Variants in TCF4 observed in about 807,000 individuals in gnomAD.
TCF4 encodes transcription factor 4, also known as SL3-3 enhancer factor 2.
A neutral mutation model predicts 82.1 loss-of-function variants in TCF4; 3 were observed. The observed-to-expected ratio is 0.04, with a 90% CI of 0.02 to 0.09. The LOEUF is 0.09. Among genes scored for constraint, TCF4 ranks in the 10% least tolerant of loss-of-function variants. The pLI is 1.00. For missense variants in TCF4, 518 were observed against 852.7 expected (o/e 0.61, Z 4.89); for synonymous variants, 276 against 309.6 (o/e 0.89, Z 1.14).
At chr18:55,461,143 T>C (rs1305010594) in intron 4 of TCF4, 28 bp from the exon 5 acceptor site, 1 of 1,554,856 alleles carries the variant, frequency 6.4e-7, no homozygotes, top group Admixed American at 1.7e-5. Context: ...GTGTAAGTTA[T>C]TATTTTATAT....
intron 6 of TCF4, among the ~76,000 whole-genome samples, chr18:55,399,199 A>T (rs770240550): frequency 2.6e-5 from 4 of 152,256 alleles, no homozygotes; most frequent in Non-Finnish European, 4.4e-5. Context: ...AAGTAAAAAT[A>T]ACAAGACAAA....
chr18:55,398,513 T>C (rs79733486), intron 6 of TCF4, among the ~76,000 whole-genome samples: 4,458 of 152,238 alleles, frequency 0.029, 245 homozygotes, highest in African/African-American at 0.1. Context: ...AATGAGACGA[T>C]TCAACCCCCC....
intron 6 of TCF4, among the ~76,000 whole-genome samples, chr18:55,403,140 T>C (rs2093918812): frequency 1.3e-5 from 2 of 152,182 alleles, no homozygotes; most frequent in South Asian, 4.1e-4. Flanking sequence ...AAGTTCTTAA[T>C]TGCAAATAAA....
chr18:55,501,572 C>T (rs114402326), intron 3 of TCF4, among the ~76,000 whole-genome samples: 74 of 152,062 alleles, frequency 4.9e-4, no homozygotes, highest in African/African-American at 1.7e-3. Context: ...GCAACTAACA[C>T]GGCTGAAAAG....
intron 3 of TCF4, among the ~76,000 whole-genome samples, chr18:55,564,664 T>C (rs1432081917): frequency 6.6e-6 from 1 of 152,098 alleles, no homozygotes; most frequent in East Asian, 1.9e-4. Flanking sequence ...AAATCAAATA[T>C]AACATACAGA....
intron 8 of TCF4, among the ~76,000 whole-genome samples, chr18:55,311,307 C>T (rs2072346520): frequency 6.6e-6 from 1 of 152,164 alleles, no homozygotes; most frequent in African/African-American, 2.4e-5. Flanking sequence ...TATCACTTTG[C>T]AAGCAGGACT....
chr18:55,356,892 T>C (rs1348140581), intron 6 of TCF4, among the ~76,000 whole-genome samples: 1 of 152,200 alleles, frequency 6.6e-6, no homozygotes, highest in Non-Finnish European at 1.5e-5. Flanking sequence ...TTTATTTTAG[T>C]AGTGATTGTA....
chr18:55,326,401 CAAAAAAAAAAAAA>C (rs59228811), intron 8 of TCF4, among the ~76,000 whole-genome samples: 14 of 26,378 alleles, frequency 5.3e-4, no homozygotes, highest in Admixed American at 2.4e-3. Context: ...AGAGCAGCAG[CAAAAAAAAAAAAA>C]AAAAAAAAAA....
intron 6 of TCF4, among the ~76,000 whole-genome samples, chr18:55,392,547 G>A (rs1056873883): frequency 7.3e-5 from 11 of 150,024 alleles, no homozygotes; most frequent in East Asian, 2.0e-4. Flanking sequence ...ATATTTATCC[G>A]TGACTTGATC....
At chr18:55,441,381 G>A (rs1179494834) in intron 5 of TCF4, among the ~76,000 whole-genome samples, 4 of 152,124 alleles carry the variant, frequency 2.6e-5, no homozygotes, top group Admixed American at 2.6e-4. Flanking sequence ...AATAGTTTAA[G>A]CTATATTCAG....
rs11662842 is a variant in TCF4, at chr18:55,257,086, C to G, written c.1146+229G>C. Reference sequence around the variant, plus strand: ...CATTGCCCTTCCAGGATTTTATCTGCTACTAGATATTTAGAGCCCTGGGGC... The same window carrying G: ...CATTGCCCTTCCAGGATTTTATCTGGTACTAGATATTTAGAGCCCTGGGGC... On this transcript the variant is annotated intron_variant, in intron 14 of 19. Coordinates refer to ENST00000354452, the MANE Select transcript of TCF4 (RefSeq NM_001083962.2). 0.34 allele frequency among the ~76,000 whole-genome samples: 50,929 copies of G among 151,866 alleles called. 8,518 individuals carry two copies. The highest frequency in any genetic ancestry group is 0.39 in the Middle Eastern group (115 of 294).
chr18:55,228,737 G>T, intron 18 of TCF4, 110 bp downstream of exon 18: 1 of 1,119,312 alleles, frequency 8.9e-7, no homozygotes, highest in Non-Finnish European at 1.3e-6. Flanking sequence ...TCTTTGGAAT[G>T]ATGCTTGAAA....
chr18:55,232,789 T>G (rs2048271067), intron 16 of TCF4, 118 bp from the exon 17 acceptor site: 14 of 1,318,118 alleles, frequency 1.1e-5, no homozygotes, highest in Non-Finnish European at 1.5e-5. Flanking sequence ...CTGTCACTTT[T>G]TTTTCCCCCT....
chr18:55,359,806 C>T (rs980413138), intron 6 of TCF4, among the ~76,000 whole-genome samples: 2 of 152,224 alleles, frequency 1.3e-5, no homozygotes, highest in African/African-American at 4.8e-5. Flanking sequence ...TTCCTAATTA[C>T]ACTCTCAGTC....
chr18:55,362,380 AGG>A (rs1491122100), intron 6 of TCF4, among the ~76,000 whole-genome samples: 103 of 117,060 alleles, frequency 8.8e-4, no homozygotes, highest in South Asian at 1.5e-3. Context: ...GAAGGAAGGA[AGG>A]AAGGAAGGAA....
chr18:55,613,266 C>T lies in TCF4; in HGVS notation c.286+18032G>A, dbSNP rs117282419. Among the ~76,000 whole-genome samples, 450 of 152,260 alleles carry T rather than the reference C, an allele frequency of 3.0e-3. 6 individuals are homozygous for T. Among genetic ancestry groups the T allele is most frequent in the East Asian group, 8.1e-3 (42 of 5,170 alleles). On this transcript the variant is annotated intron_variant, in intron 2 of 20. Coordinates refer to the TCF4 transcript ENST00000398339. ...CCCTCCTTCCCAATCCTGCCTTCCA[C>T]TTTCCTTGCCTCCCATCTCAATCCC...
chr18:55,570,475 CAAAT>C (rs1260554875), intron 3 of TCF4, among the ~76,000 whole-genome samples: 3 of 151,996 alleles, frequency 2.0e-5, no homozygotes, highest in Non-Finnish European at 4.4e-5. Flanking sequence ...TAAGAAAAAA[CAAAT>C]AACCCAATAG....
At chr18:55,500,965 A>G (rs1366056528) in intron 3 of TCF4, among the ~76,000 whole-genome samples, 2 of 152,096 alleles carry the variant, frequency 1.3e-5, no homozygotes, top group African/African-American at 4.8e-5. Flanking sequence ...ATTCTGACTC[A>G]CTCTGATATT....
chr18:55,302,468 C>T (rs763222551), intron 8 of TCF4: 14 of 1,536,080 alleles, frequency 9.1e-6, no homozygotes, highest in Non-Finnish European at 1.2e-5. Flanking sequence ...TGAGCATCTG[C>T]ATTGTTTAAA....
Sources: allele counts gnomAD v4.1 joint callset (sites outside exome capture counted in the v4.1 genomes callset), GRCh38; gene constraint gnomAD v4.1.1; transcripts MANE v1.5; gene names NCBI Gene and HGNC (gene_info 2026-07-23, HGNC 2026-07-21).